The following PRSS21 variants were observed in gnomAD, a reference collection of about 807,000 sequenced individuals.
PRSS21 encodes the protein serine protease 21.
Under a neutral mutation model 31.1 loss-of-function variants are expected in PRSS21, and 40 were observed. The ratio of observed to expected loss-of-function variants is 1.29; its 90% CI spans 1.00 to 1.68. PRSS21 has a LOEUF of 1.68. PRSS21 is among the 40% of genes most tolerant of loss of function. PRSS21 has a pLI of 0.00. For synonymous variants in PRSS21, 186 were observed against 167.7 expected (o/e 1.11, Z -0.84); for missense variants, 467 against 412.6 (o/e 1.13, Z -1.14).
chr16:2,817,357 G>A lies in PRSS21; in HGVS notation c.64+25G>A, dbSNP rs770686139. 2 of 1,562,498 alleles carry A rather than the reference G, an allele frequency of 1.3e-6. No individual in the cohort carries two copies. Among genetic ancestry groups the A allele is most frequent in the Non-Finnish European group, 1.7e-6 (2 of 1,153,506 alleles). ...GGTGAGCTCGGGGCGCTGCTGGCGG[G>A]ATGGGGAGGCGGGGGAGCGGTGGGG... On this transcript the variant is annotated intron_variant, in intron 1 of 5. Transcript: ENST00000005995. This position sits in a 1 kb window ranked among gnomAD's most constrained non-coding sequence, Gnocchi z 4.2.
At chr16:2,820,149 C>T (rs908771613) in intron 4 of PRSS21, among the ~76,000 whole-genome samples, 9 of 152,230 alleles carry the variant, frequency 5.9e-5, no homozygotes, top group Non-Finnish European at 2.9e-5. Flanking sequence ...GTGCCCTGCG[C>T]GGGCTGGGAG....
At chr16:2,820,803 G>A in intron 4 of PRSS21, 152 bp from the exon 5 acceptor site, 1 of 769,272 alleles carries the variant, frequency 1.3e-6, no homozygotes. Flanking sequence ...GGCCTCTGTT[G>A]TGCTGGGGTC....
In PRSS21 at chr16:2,817,509, CG is replaced by C. The variant is rs1438987793; in HGVS notation, c.91+59del. ...GCCAGGGCCGTTGGGCCGAGGTGGA[CG>C]GGGGGCGGTGAGGGGGTAGAGGGGG... On this transcript the variant is annotated intron_variant, in intron 2 of 5. Coordinates refer to ENST00000005995, the MANE Select transcript of PRSS21 (RefSeq NM_006799.4). This position sits in a 1 kb window ranked among gnomAD's most constrained non-coding sequence, Gnocchi z 4.2. 5 of 941,410 alleles carry C rather than the reference CG, an allele frequency of 5.3e-6. No individual in the cohort carries two copies. Among genetic ancestry groups the C allele is most frequent in the East Asian group, 4.4e-5 (1 of 22,826 alleles). The allele number at this position is 941,410 out of a possible 1,614,324, so 58.3% of individuals were successfully genotyped here. A position where few individuals can be genotyped will look rare whatever the true frequency, so the allele number is the denominator to read the frequency against.
intron 4 of PRSS21, among the ~76,000 whole-genome samples, chr16:2,820,619 G>A (rs1406713535): frequency 6.6e-6 from 1 of 152,194 alleles, no homozygotes; most frequent in African/African-American, 2.4e-5. Flanking sequence ...GGCTTTGGAT[G>A]CTCATCTGAA....
chr16:2,818,922 G>C lies in PRSS21; in HGVS notation c.503G>C (p.Arg168Pro). 1 of 1,614,190 alleles carries C rather than the reference G, an allele frequency of 6.2e-7. No homozygotes were observed. The highest frequency in any genetic ancestry group is 8.5e-7 in the Non-Finnish European group (1 of 1,180,042). ...LQASTFEFEN[R>P]TDCWVTGWGY... ...GCCTCCACATTTGAGTTTGAGAACC[G>C]GACAGACTGCTGGGTGACTGGCTGG... The change falls in exon 4 of 6, where the codon CGG (arginine) becomes CCG (proline). Residue 168 changes from arginine (R) to proline (P), a missense_variant. Physicochemically the swap from Arg to Pro is moderately radical, Grantham distance 103. Coordinates refer to ENST00000005995, the MANE Select transcript of PRSS21 (RefSeq NM_006799.4).
intron 4 of PRSS21, among the ~76,000 whole-genome samples, chr16:2,820,313 G>A (rs1261873591): frequency 6.6e-6 from 1 of 152,224 alleles, no homozygotes; most frequent in Non-Finnish European, 1.5e-5. Flanking sequence ...TGCAGGTTGG[G>A]TCTCATTGTC....
Position 2,817,948 on chromosome 16 carries a change from C to A in PRSS21, c.239C>A (p.Ala80Glu), listed in dbSNP as rs562253382. ...CTCAGCCACCGCTGGGCACTCACGGCGGCGCACTGCTTTGAAACGTGAGTG... is the reference window on the plus strand; with the variant it reads ...CTCAGCCACCGCTGGGCACTCACGGAGGCGCACTGCTTTGAAACGTGAGTG... The part of the protein sequence containing the change: ...SLLSHRWALT[A>E]AHCFETYSDL... The change falls in exon 3 of 6, where the codon GCG becomes GAG. Residue 80 changes from alanine (A) to glutamate (E), a missense_variant. Coordinates refer to ENST00000005995, the MANE Select transcript of PRSS21 (RefSeq NM_006799.4). The surrounding 1 kb of genome is among the most constrained non-coding windows in gnomAD (Gnocchi z 4.2). 88 of 1,548,888 alleles carry A rather than the reference C, an allele frequency of 5.7e-5. 1 individual carries two copies. The East Asian group carries it at 6.6e-4, about 12-fold the overall frequency.
intron 4 of PRSS21, among the ~76,000 whole-genome samples, chr16:2,820,412 C>T (rs1316077992): frequency 6.6e-6 from 1 of 152,218 alleles, no homozygotes; most frequent in Non-Finnish European, 1.5e-5. Flanking sequence ...TCTGAAACTT[C>T]CCCAGTGCCT....
In PRSS21 at chr16:2,818,035, C is replaced by A. The variant is rs957108312; in HGVS notation, c.257+69C>A. On this transcript the variant is annotated intron_variant, in intron 3 of 5. Coordinates refer to ENST00000005995, the MANE Select transcript of PRSS21 (RefSeq NM_006799.4). ...CAGGGCTGGAGGGAGTGCCACCGAA[C>A]TTTACCTCTGGTCTGATGCCAGACT... is the stretch of plus-strand genomic sequence containing the variant. 5 of 1,489,094 alleles carry A rather than the reference C, an allele frequency of 3.4e-6. No homozygotes were observed. The African/African-American group carries it at 6.9e-5, about 21-fold the overall frequency. The allele number at this position is 1,489,094 out of a possible 1,614,324, so 92.2% of individuals were successfully genotyped here. A position where few individuals can be genotyped will look rare whatever the true frequency, so the allele number is the denominator to read the frequency against.
chr16:2,820,429 G>A (rs2069150990), intron 4 of PRSS21, among the ~76,000 whole-genome samples: 1 of 152,182 alleles, frequency 6.6e-6, no homozygotes, highest in Non-Finnish European at 1.5e-5. Flanking sequence ...GCCTTGCTGG[G>A]GGTCAGCGGG....
At chr16:2,821,152 G>T in intron 5 of PRSS21, 43 bp downstream of exon 5, 5 of 1,609,774 alleles carry the variant, frequency 3.1e-6, no homozygotes, top group Non-Finnish European at 4.2e-6. Flanking sequence ...AAAGCATCCT[G>T]TGTCCCTGTG....
chr16:2,817,774 G>T lies in PRSS21; in HGVS notation c.92-27G>T. ...CGGGCTTGGGGGGCTGCCTCCCGCGGCTCAGCAGTTCCTCTGACCATCCGA... is the reference window on the plus strand; with the variant it reads ...CGGGCTTGGGGGGCTGCCTCCCGCGTCTCAGCAGTTCCTCTGACCATCCGA... On this transcript the variant is annotated intron_variant, in intron 2 of 5. Transcript: ENST00000005995. The surrounding 1 kb of genome is among the most constrained non-coding windows in gnomAD (Gnocchi z 4.2). 2 of 1,542,698 alleles carry T rather than the reference G, an allele frequency of 1.3e-6. No homozygotes were observed. Among genetic ancestry groups the T allele is most frequent in the Non-Finnish European group, 8.8e-7 (1 of 1,142,584 alleles).
Position 2,817,593 on chromosome 16 carries a change from GTAAC to G in PRSS21, c.91+142_91+145del. The G allele has an allele frequency of 2.2e-6, 3 of 1,370,200 alleles. No homozygotes were observed. The South Asian group carries it at 4.3e-5, about 19-fold the overall frequency. 84.9% of individuals were successfully genotyped at this position (1,370,200 alleles called of 1,614,324 possible). A position where few individuals can be genotyped will look rare whatever the true frequency, so the allele number is the denominator to read the frequency against. ...ATCGAGAACTCTGTTGGCGTGGAAA[GTAAC>G]TAACGGACGCTGGAGGGGGATGGGC... On this transcript the variant is annotated intron_variant, in intron 2 of 5. Coordinates refer to ENST00000005995, the MANE Select transcript of PRSS21 (RefSeq NM_006799.4). This position sits in a 1 kb window ranked among gnomAD's most constrained non-coding sequence, Gnocchi z 4.2.
rs1226067732 is a variant in PRSS21 at position 2,817,263 on chromosome 16, G to A, written c.-6G>A. On this transcript the variant is annotated 5_prime_UTR_variant, in exon 1 of 6. Transcript: ENST00000005995. This position sits in a 1 kb window ranked among gnomAD's most constrained non-coding sequence, Gnocchi z 4.2. ...GAGGGGGCGTCAGGCCGCGGGAGAG[G>A]AGGCCATGGGCGCGCGCGGGGCGCT... 2 of 1,522,318 alleles carry A rather than the reference G, an allele frequency of 1.3e-6. No homozygotes were observed. Among genetic ancestry groups the A allele is most frequent in the Non-Finnish European group, 1.8e-6 (2 of 1,139,864 alleles). 94.3% of individuals were successfully genotyped at this position (1,522,318 alleles called of 1,614,324 possible). A position where few individuals can be genotyped will look rare whatever the true frequency, so the allele number is the denominator to read the frequency against.
At chr16:2,820,441 C>A (rs1675405892) in intron 4 of PRSS21, among the ~76,000 whole-genome samples, 1 of 152,154 alleles carries the variant, frequency 6.6e-6, no homozygotes. Context: ...GTCAGCGGGG[C>A]AATATCCCCC....
intron 3 of PRSS21, 152 bp downstream of exon 3, chr16:2,818,118 C>T (rs2069111897): frequency 1.8e-5 from 19 of 1,031,026 alleles, no homozygotes; most frequent in Non-Finnish European, 2.5e-5. Context: ...CCAGGCTGTG[C>T]TGCAGCCGGT....
chr16:2,820,741 G>A (rs1204802349), intron 4 of PRSS21, among the ~76,000 whole-genome samples: 6 of 152,170 alleles, frequency 3.9e-5, no homozygotes, highest in Non-Finnish European at 8.8e-5. Context: ...AGTGCGGCTG[G>A]GGGAGCTCTG....
At chr16:2,821,251 GGGA>G in intron 5 of PRSS21, 112 bp from the exon 6 acceptor site, 3 of 1,529,904 alleles carry the variant, frequency 2.0e-6, no homozygotes, top group East Asian at 2.3e-5. Flanking sequence ...TGCTGCCAGG[GGGA>G]GGAGGAGGAT....
chr16:2,819,609 A>G (rs2069137868), intron 4 of PRSS21, among the ~76,000 whole-genome samples: 1 of 152,198 alleles, frequency 6.6e-6, no homozygotes, highest in South Asian at 2.1e-4. Context: ...CCGTCCCTGC[A>G]TCATCCCACA....
Sources: gnomAD v4.1 joint callset for allele counts (sites outside exome capture counted in the v4.1 genomes callset) on GRCh38, gnomAD v4.1.1 for gene constraint, Gnocchi (gnomAD v3.1) non-coding constraint, MANE v1.5 for transcripts, NCBI Gene and HGNC (gene_info 2026-07-23, HGNC 2026-07-21) for gene names.